MAGI3: variants seen among roughly 807,000 people sequenced by gnomAD.
MAGI3 encodes the protein membrane-associated guanylate kinase, WW and PDZ domain-containing protein 3.
Under a neutral mutation model 121.8 loss-of-function variants are expected in MAGI3, and 43 were observed. That is an observed-to-expected ratio of 0.35 (90% CI 0.28 to 0.46). MAGI3 has a LOEUF of 0.46. Ranked by LOEUF, MAGI3 falls within the 20% of genes least tolerant of loss-of-function variation. The pLI, the probability that MAGI3 is intolerant of heterozygous loss-of-function variation, is 1.00. For missense variants in MAGI3, 1,547 were observed against 1,797.3 expected (o/e 0.86, Z 2.52); for synonymous variants, 553 against 639.3 (o/e 0.86, Z 2.04).
At chr1:113,526,786 A>G (rs1489200966) in intron 1 of MAGI3, among the ~76,000 whole-genome samples, 1 of 152,196 alleles carries the variant, frequency 6.6e-6, no homozygotes, top group Non-Finnish European at 1.5e-5. Flanking sequence ...TGAAATGGAG[A>G]GAACTGAATG....
intron 1 of MAGI3, among the ~76,000 whole-genome samples, chr1:113,453,264 A>G (rs1053692821): frequency 6.6e-6 from 1 of 152,182 alleles, no homozygotes; most frequent in Non-Finnish European, 1.5e-5. Context: ...GACTGCTGTC[A>G]TCTTTCTTGC....
chr1:113,523,388 G>A (rs1427534011), intron 1 of MAGI3, among the ~76,000 whole-genome samples: 1 of 152,190 alleles, frequency 6.6e-6, no homozygotes, highest in Non-Finnish European at 1.5e-5. Context: ...AAGAAGACAG[G>A]AAAATCTGGG....
rs557906517 is a variant in MAGI3, at chr1:113,600,285, C to T, written c.1018+5725C>T. On this transcript the variant is annotated intron_variant, in intron 6 of 20. Transcript: ENST00000307546. Reference sequence around the variant, plus strand: ...TAGGAAAAGAGGAAGTCAAATTGTCCCTGTTTGCAGATGACATGATAGTAT... The same window carrying T: ...TAGGAAAAGAGGAAGTCAAATTGTCTCTGTTTGCAGATGACATGATAGTAT... Among the ~76,000 whole-genome samples the T allele has an allele frequency of 6.2e-4, 95 of 152,102 alleles. No homozygotes were observed. The East Asian group carries it at 7.7e-3, about 12-fold the overall frequency.
At chr1:113,456,207 C>T (rs917469959) in intron 1 of MAGI3, among the ~76,000 whole-genome samples, 7 of 150,654 alleles carry the variant, frequency 4.6e-5, no homozygotes, top group African/African-American at 7.3e-5. Context: ...CCTCGTGATC[C>T]GCCCACCTCA....
At chr1:113,528,615 A>G (rs1658566601) in intron 1 of MAGI3, among the ~76,000 whole-genome samples, 1 of 152,194 alleles carries the variant, frequency 6.6e-6, no homozygotes, top group African/African-American at 2.4e-5. Flanking sequence ...ATAATTTCAT[A>G]CTAAATGGCT....
At chr1:113,493,335 A>G (rs1174160160) in intron 1 of MAGI3, among the ~76,000 whole-genome samples, 1 of 152,220 alleles carries the variant, frequency 6.6e-6, no homozygotes, top group Admixed American at 6.5e-5. Flanking sequence ...CTGACTAGAG[A>G]TATGCGGAAA....
intron 7 of MAGI3, among the ~76,000 whole-genome samples, chr1:113,617,238 C>T (rs566495054): frequency 3.3e-5 from 5 of 152,110 alleles, no homozygotes; most frequent in African/African-American, 1.2e-4. Context: ...ATTTTTAAAT[C>T]CAGATATTAG....
chr1:113,616,399 C>T (rs987502522), intron 7 of MAGI3, among the ~76,000 whole-genome samples: 7 of 152,104 alleles, frequency 4.6e-5, no homozygotes, highest in South Asian at 2.1e-4. Context: ...TTTTGAATCT[C>T]GACCATAGTA....
chr1:113,641,091 T>TGA (rs1557869108), intron 9 of MAGI3, among the ~76,000 whole-genome samples: 1 of 20,210 alleles, frequency 4.9e-5, no homozygotes, highest in Non-Finnish European at 1.0e-4. Context: ...GAGATATATA[T>TGA]TATATATATG....
chr1:113,590,042 G>A (rs1648599417), intron 4 of MAGI3, among the ~76,000 whole-genome samples: 1 of 152,050 alleles, frequency 6.6e-6, no homozygotes, highest in Admixed American at 6.6e-5. Context: ...TTTTGACTAA[G>A]TTAACTTAAC....
At chr1:113,452,479 C>T (rs1478174993) in intron 1 of MAGI3, among the ~76,000 whole-genome samples, 1 of 151,842 alleles carries the variant, frequency 6.6e-6, no homozygotes, top group East Asian at 1.9e-4. Context: ...CACACACACA[C>T]ACACACACAC....
At chr1:113,675,601 T>A (rs778782656) in intron 19 of MAGI3, among the ~76,000 whole-genome samples, 5 of 152,156 alleles carry the variant, frequency 3.3e-5, no homozygotes, top group Non-Finnish European at 7.3e-5. Flanking sequence ...ACCTTTGTGG[T>A]AGATAAGATC....
At chr1:113,603,534 G>A (rs543865958) in intron 6 of MAGI3, among the ~76,000 whole-genome samples, 2 of 151,854 alleles carry the variant, frequency 1.3e-5, no homozygotes, top group East Asian at 1.9e-4. Flanking sequence ...TACCAAAACC[G>A]GGAAAGGACC....
In MAGI3 at chr1:113,682,804, AC is replaced by A. The variant is rs1648296818; in HGVS notation, c.3329-92del. On this transcript the variant is annotated intron_variant, in intron 20 of 20. Transcript: ENST00000307546. The stretch of plus-strand genomic sequence containing the variant: ...AAATACTCAGGCTTTTTAAGCAGTT[AC>A]GACAATTCAAATGGCTGTCAAAGTT... 2.7e-6 allele frequency: 4 copies of A among 1,455,680 alleles called. 1 individual carries two copies. Among genetic ancestry groups the A allele is most frequent in the Non-Finnish European group, 3.6e-6 (4 of 1,107,322 alleles). The allele number at this position is 1,455,680 out of a possible 1,614,324, so 90.2% of individuals were successfully genotyped here.
intron 1 of MAGI3, among the ~76,000 whole-genome samples, chr1:113,440,220 C>A (rs1341056642): frequency 6.6e-6 from 1 of 152,116 alleles, no homozygotes; most frequent in Non-Finnish European, 1.5e-5. Context: ...CTAGTTGTAT[C>A]TTATCTGATC....
At chr1:113,474,350 A>G (rs1339470861) in intron 1 of MAGI3, among the ~76,000 whole-genome samples, 1 of 152,032 alleles carries the variant, frequency 6.6e-6, no homozygotes, top group Non-Finnish European at 1.5e-5. Context: ...TGCTTATGTT[A>G]TGAATGGTAT....
intron 1 of MAGI3, among the ~76,000 whole-genome samples, chr1:113,447,311 A>G (rs1654220818): frequency 6.6e-6 from 1 of 152,198 alleles, no homozygotes; most frequent in African/African-American, 2.4e-5. Flanking sequence ...TTCTTGCTGC[A>G]TTGTCCCATG....
intron 6 of MAGI3, among the ~76,000 whole-genome samples, chr1:113,606,147 G>A (rs1649761046): frequency 6.6e-6 from 1 of 151,160 alleles, no homozygotes; most frequent in African/African-American, 2.4e-5. Context: ...TGTATTTTTT[G>A]GTAGAGATGG....
intron 16 of MAGI3, among the ~76,000 whole-genome samples, chr1:113,668,569 C>CTTT (rs370302032): frequency 0.011 from 1,045 of 94,802 alleles, 10 homozygotes; most frequent in Middle Eastern, 0.03. Flanking sequence ...AAACATGTAA[C>CTTT]TTTTTTTTTT....
Sources: allele counts gnomAD v4.1 joint callset (sites outside exome capture counted in the v4.1 genomes callset), GRCh38; gene constraint gnomAD v4.1.1; transcripts MANE v1.5; gene names NCBI Gene and HGNC (gene_info 2026-07-23, HGNC 2026-07-21).